OTUD7A: variants seen among roughly 807,000 people sequenced by gnomAD.
The protein encoded by OTUD7A is OTU deubiquitinase 7A, also known as OTU domain-containing protein 7A.
OTUD7A carries 12 observed loss-of-function variants against 65.7 expected under a neutral mutation model. The ratio of observed to expected loss-of-function variants is 0.18; its 90% CI spans 0.12 to 0.30. The LOEUF is 0.30. OTUD7A is among the 10% of genes least tolerant of loss of function. The probability of loss-of-function intolerance (pLI) is 1.00; values close to 1 mark genes in which losing one functional copy is unlikely to be tolerated. For synonymous variants in OTUD7A, 641 were observed against 586.3 expected, an observed-to-expected ratio of 1.09 and a Z score of -1.35; for missense variants, 1,148 against 1,304.8, an observed-to-expected ratio of 0.88 and a Z score of 1.85.
At chr15:31,682,847 T>C (rs1246224033) in intron 1 of OTUD7A, among the ~76,000 whole-genome samples, 1 of 152,204 alleles carries the variant, frequency 6.6e-6, no homozygotes, top group East Asian at 1.9e-4. Flanking sequence ...CATGTTTATG[T>C]TGAGTGTGTG....
At chr15:31,751,057 A>G (rs1894621669) in intron 1 of OTUD7A, among the ~76,000 whole-genome samples, 1 of 152,246 alleles carries the variant, frequency 6.6e-6, no homozygotes, top group Admixed American at 6.5e-5. Context: ...AATTGCGACA[A>G]AAACTAAAAT....
At position 31,787,861 on chromosome 15, in the gene OTUD7A, A is replaced by G. The variant is rs1352531568; in HGVS notation, c.-100+82646T>C. The G allele has an allele frequency of 2.6e-5, 4 of 152,348 alleles. No homozygotes were observed. The East Asian group carries it at 7.7e-4, about 29-fold the overall frequency. The allele number at this position is 152,348 out of a possible 1,614,324, so 9.4% of individuals were successfully genotyped here. A position where few individuals can be genotyped will look rare whatever the true frequency, so the allele number is the denominator to read the frequency against. On this transcript the variant is annotated intron_variant, in intron 1 of 12. Transcript: ENST00000307050. Reference sequence around the variant, plus strand: ...AATCAGGGAGGGAGCTCACACTGGCATAAGACCCTAGGAATATATCTAACA... The same window carrying G: ...AATCAGGGAGGGAGCTCACACTGGCGTAAGACCCTAGGAATATATCTAACA...
chr15:31,799,954 G>A (rs996076990), intron 1 of OTUD7A, among the ~76,000 whole-genome samples: 2 of 152,050 alleles, frequency 1.3e-5, no homozygotes, highest in African/African-American at 4.8e-5. Flanking sequence ...GGTGAATGGG[G>A]GGAACCACAC....
chr15:31,628,102 TC>T (rs1891021018), intron 3 of OTUD7A, among the ~76,000 whole-genome samples: 1 of 152,346 alleles, frequency 6.6e-6, no homozygotes, highest in Admixed American at 6.5e-5. Flanking sequence ...CTTAATTAGA[TC>T]CCATTTGTCA....
intron 1 of OTUD7A, among the ~76,000 whole-genome samples, chr15:31,743,632 G>A (rs1433369957): frequency 1.3e-5 from 2 of 151,924 alleles, no homozygotes; most frequent in Non-Finnish European, 2.9e-5. Context: ...AACAGCTGGG[G>A]ATGGTAGCTC....
intron 1 of OTUD7A, among the ~76,000 whole-genome samples, chr15:31,830,003 C>T (rs2140982274): frequency 6.6e-6 from 1 of 152,292 alleles, no homozygotes; most frequent in South Asian, 2.1e-4. Context: ...CACCCTTCCT[C>T]TGGGTTAAGG....
At chr15:31,866,335 C>G (rs1897875205) in intron 1 of OTUD7A, among the ~76,000 whole-genome samples, 1 of 152,244 alleles carries the variant, frequency 6.6e-6, no homozygotes, top group African/African-American at 2.4e-5. Context: ...TATACTCCCC[C>G]ACTTCCTGGT....
intron 5 of OTUD7A, among the ~76,000 whole-genome samples, chr15:31,546,848 T>C (rs1022514976): frequency 4.6e-5 from 7 of 152,248 alleles, no homozygotes; most frequent in Non-Finnish European, 1.0e-4. Flanking sequence ...AGCTTAATGA[T>C]AAGCAGAAGA....
At chr15:31,850,745 GC>G (rs1897404753) in intron 1 of OTUD7A, among the ~76,000 whole-genome samples, 1 of 152,106 alleles carries the variant, frequency 6.6e-6, no homozygotes. Flanking sequence ...ACCTCAGAGA[GC>G]CACTTAAGGC....
rs532152847 is a variant in OTUD7A at position 31,757,619 on chromosome 15, A to G, written c.-99-100542T>C. 1.3e-4 allele frequency among the ~76,000 whole-genome samples: 20 copies of G among 149,552 alleles called. No homozygotes were observed. The South Asian group carries it at 4.0e-3, about 30-fold the overall frequency. ...ATTCCCATGTATTGTATTCCCATGA[A>G]TTGTACCATGGGCAACCCTGGCCCT... On this transcript the variant is annotated intron_variant, in intron 1 of 12. Coordinates refer to ENST00000307050, the MANE Select transcript of OTUD7A (RefSeq NM_001382637.1).
At chr15:31,790,449 T>C (rs1895784808) in intron 1 of OTUD7A, among the ~76,000 whole-genome samples, 1 of 152,236 alleles carries the variant, frequency 6.6e-6, no homozygotes, top group South Asian at 2.1e-4. Context: ...CCAGGTGTTT[T>C]GATTCAAAAA....
intron 8 of OTUD7A, among the ~76,000 whole-genome samples, chr15:31,512,447 AT>A (rs1024724268): frequency 6.6e-6 from 1 of 151,926 alleles, no homozygotes; most frequent in Non-Finnish European, 1.5e-5. Flanking sequence ...TATAAATTTA[AT>A]TTTTTTTAGC....
chr15:31,795,335 T>C (rs1895924199), intron 1 of OTUD7A, among the ~76,000 whole-genome samples: 1 of 152,174 alleles, frequency 6.6e-6, no homozygotes, highest in Non-Finnish European at 1.5e-5. Flanking sequence ...GCTAGCACCA[T>C]CAGTGGCTGC....
At chr15:31,622,583 C>T (rs934478407) in intron 3 of OTUD7A, among the ~76,000 whole-genome samples, 87 of 152,282 alleles carry the variant, frequency 5.7e-4, no homozygotes, top group Non-Finnish European at 1.1e-3. Flanking sequence ...GCATTCGTCG[C>T]GTAGTTCTCA....
chr15:31,588,817 C>T (rs1254005885), intron 3 of OTUD7A, among the ~76,000 whole-genome samples: 2 of 152,196 alleles, frequency 1.3e-5, no homozygotes, highest in South Asian at 2.1e-4. Flanking sequence ...CCCTCACAGC[C>T]GAGACTGCTT....
At chr15:31,747,696 G>C (rs1042125649) in intron 1 of OTUD7A, among the ~76,000 whole-genome samples, 2 of 152,176 alleles carry the variant, frequency 1.3e-5, no homozygotes, top group African/African-American at 4.8e-5. Context: ...GAGTGCTAAA[G>C]CTAGTAGATA....
intron 1 of OTUD7A, among the ~76,000 whole-genome samples, chr15:31,675,223 T>C (rs36067736): frequency 6.6e-6 from 1 of 152,308 alleles, no homozygotes; most frequent in Non-Finnish European, 1.5e-5. Context: ...GCCTTGGAGC[T>C]GCTGCAGCCA....
intron 4 of OTUD7A, among the ~76,000 whole-genome samples, chr15:31,563,878 C>T (rs1028128304): frequency 6.6e-6 from 1 of 152,142 alleles, no homozygotes; most frequent in Admixed American, 6.5e-5. Flanking sequence ...TACCCTTCCC[C>T]GACTCTCATC....
At chr15:31,645,313 G>A (rs190002836) in intron 3 of OTUD7A, among the ~76,000 whole-genome samples, 4 of 152,298 alleles carry the variant, frequency 2.6e-5, no homozygotes, top group Non-Finnish European at 5.9e-5. Context: ...TTTTCAGGCA[G>A]GAGGGCACAC....
Sources: gnomAD v4.1 joint callset for allele counts (sites outside exome capture counted in the v4.1 genomes callset) on GRCh38, gnomAD v4.1.1 for gene constraint, MANE v1.5 for transcripts, NCBI Gene and HGNC (gene_info 2026-07-23, HGNC 2026-07-21) for gene names.